MGAT4C: variants seen among roughly 807,000 people sequenced by gnomAD.
The protein encoded by MGAT4C is MGAT4 family member C, also known as alpha-1,3-mannosyl-glycoprotein 4-beta-N-acetylglucosaminyltransferase C.
A neutral mutation model predicts 40.1 loss-of-function variants in MGAT4C; 19 were observed. The ratio of observed to expected loss-of-function variants is 0.47; its 90% confidence interval spans 0.33 to 0.70. The LOEUF (loss-of-function observed/expected upper bound fraction) is 0.70. MGAT4C is among the 30% of genes least tolerant of loss of function. The pLI is 0.02. For synonymous variants in MGAT4C, 181 were observed against 187.1 expected (o/e 0.97, Z 0.27); for missense variants, 491 against 563.2 (o/e 0.87, Z 1.30).
At chr12:86,815,782 C>G (rs1347678860) in intron 1 of MGAT4C, among the ~76,000 whole-genome samples, 1 of 149,284 alleles carries the variant, frequency 6.7e-6, no homozygotes, top group African/African-American at 2.5e-5. Flanking sequence ...ATCATATGTT[C>G]TCACTGACAT....
chr12:85,973,101 G>A lies in MGAT4C; in HGVS notation c.*6188C>T, dbSNP rs1449596081. ...TTTCTAATAGAGTTAGAGCTTTGTT[G>A]ATTGAGATATGTGGAACTGCCACAT... On this transcript the variant is annotated 3_prime_UTR_variant, in exon 5 of 5. Coordinates refer to ENST00000611864, the MANE Select transcript of MGAT4C (RefSeq NM_001351288.2). The A allele has an allele frequency of 2.7e-5, 4 of 147,594 alleles. No individual in the cohort carries two copies. Among genetic ancestry groups the A allele is most frequent in the Non-Finnish European group, 6.1e-5 (4 of 65,278 alleles). 9.1% of individuals were successfully genotyped at this position (147,594 alleles called of 1,614,324 possible). A position where few individuals can be genotyped will look rare whatever the true frequency, so the allele number is the denominator to read the frequency against.
At chr12:86,399,136 A>G (rs1461384345) in intron 3 of MGAT4C, among the ~76,000 whole-genome samples, 2 of 150,468 alleles carry the variant, frequency 1.3e-5, no homozygotes, top group East Asian at 4.0e-4. Flanking sequence ...GTGCCCGGCT[A>G]ATTTTTTGTA....
chr12:86,058,564 A>T (rs1893625750), intron 1 of MGAT4C, among the ~76,000 whole-genome samples: 1 of 152,158 alleles, frequency 6.6e-6, no homozygotes, highest in Admixed American at 6.6e-5. Context: ...TGAAGCAAGT[A>T]TAACAATTTG....
intron 1 of MGAT4C, among the ~76,000 whole-genome samples, chr12:86,154,279 G>A (rs1450460738): frequency 1.2e-4 from 18 of 152,110 alleles, no homozygotes; most frequent in Non-Finnish European, 2.4e-4. Context: ...AGGTAAGGGG[G>A]AATTGGCCAG....
rs112691663 is a variant in MGAT4C, at chr12:86,405,815, T to C, written c.-120+29342A>G. ...CCAGAAATTAATTTACACAGATATA[T>C]CCAGTTGATTTTTAATAGAGTTGCA... On this transcript the variant is annotated intron_variant, in intron 3 of 7. Coordinates refer to the MGAT4C transcript ENST00000548651. Among the ~76,000 whole-genome samples, 744 of 150,614 alleles carry C rather than the reference T, an allele frequency of 4.9e-3. 3 individuals are homozygous for C. Among genetic ancestry groups the C allele is most frequent in the African/African-American group, 0.017 (715 of 41,176 alleles).
At chr12:86,768,600 C>T (rs1441441659) in intron 1 of MGAT4C, among the ~76,000 whole-genome samples, 2 of 151,578 alleles carry the variant, frequency 1.3e-5, no homozygotes, top group African/African-American at 4.8e-5. Context: ...AGGCATCACG[C>T]TACCTGACTT....
intron 2 of MGAT4C, among the ~76,000 whole-genome samples, chr12:86,466,242 T>C (rs1957681426): frequency 6.6e-6 from 1 of 151,814 alleles, no homozygotes; most frequent in Non-Finnish European, 1.5e-5. Flanking sequence ...CAAATGTGGA[T>C]TTTTATAGCA....
At chr12:86,050,338 A>T (rs927103356) in intron 1 of MGAT4C, among the ~76,000 whole-genome samples, 3 of 152,094 alleles carry the variant, frequency 2.0e-5, no homozygotes, top group African/African-American at 7.2e-5. Flanking sequence ...CTGTGAAGGT[A>T]TAAAACAATA....
intron 2 of MGAT4C, among the ~76,000 whole-genome samples, chr12:86,475,118 C>T (rs1957813204): frequency 6.6e-6 from 1 of 152,080 alleles, no homozygotes; most frequent in East Asian, 1.9e-4. Flanking sequence ...TTCAGCTCCC[C>T]AATACTCCTA....
At chr12:86,258,306 T>C (rs985534848), upstream of MGAT4C, among the ~76,000 whole-genome samples, 1 of 149,208 alleles carries the variant, frequency 6.7e-6, no homozygotes, top group Non-Finnish European at 1.5e-5. Context: ...TATCTATCTA[T>C]CTATCTATCT....
At chr12:86,227,776 T>C (rs1001195186) in intron 1 of MGAT4C, among the ~76,000 whole-genome samples, 2 of 151,886 alleles carry the variant, frequency 1.3e-5, no homozygotes, top group East Asian at 1.9e-4. Flanking sequence ...TATCCTGATG[T>C]AGAAACATCA....
upstream of MGAT4C, among the ~76,000 whole-genome samples, chr12:86,259,080 T>C (rs1952601710): frequency 6.6e-6 from 1 of 152,008 alleles, no homozygotes; most frequent in African/African-American, 2.4e-5. Flanking sequence ...TACTCCAAAG[T>C]ATATTTTATA....
At chr12:86,496,139 T>C (rs1958230346) in intron 2 of MGAT4C, among the ~76,000 whole-genome samples, 2 of 151,930 alleles carry the variant, frequency 1.3e-5, no homozygotes, top group African/African-American at 2.4e-5. Context: ...ACCTAGATAA[T>C]TGTTCCCTCC....
rs76182150 is a variant in MGAT4C at position 86,147,102 on chromosome 12, G to T, written c.-56-97379C>A. ...ATGTGTGTGTGTGTCTGGTGTGTGT[G>T]TTTATGATTTTTATTTATTTGTTTT... On this transcript the variant is annotated intron_variant, in intron 1 of 4. Transcript: ENST00000611864. Among the ~76,000 whole-genome samples the T allele has an allele frequency of 1.7e-3, 255 of 152,178 alleles. 9 individuals carry two copies. The East Asian group carries it at 0.041, about 24-fold the overall frequency.
intron 3 of MGAT4C, among the ~76,000 whole-genome samples, chr12:86,354,841 T>A (rs1241817024): frequency 2.0e-5 from 3 of 152,110 alleles, no homozygotes; most frequent in Non-Finnish European, 4.4e-5. Flanking sequence ...ACCTTCACGG[T>A]GAGTGTTACA....
intron 2 of MGAT4C, among the ~76,000 whole-genome samples, chr12:85,998,402 G>A (rs539629547): frequency 1.5e-4 from 23 of 152,256 alleles, no homozygotes; most frequent in Admixed American, 1.0e-3. Flanking sequence ...GCAAATTTCT[G>A]CAGCTGGCTT....
intron 2 of MGAT4C, among the ~76,000 whole-genome samples, chr12:86,025,442 G>A (rs1419246440): frequency 6.6e-6 from 1 of 151,610 alleles, no homozygotes; most frequent in Non-Finnish European, 1.5e-5. Context: ...TTCCCTAGCA[G>A]TCTCATACTA....
chr12:86,534,057 C>G (rs1565831636), intron 2 of MGAT4C, among the ~76,000 whole-genome samples: 1 of 152,038 alleles, frequency 6.6e-6, no homozygotes, highest in Non-Finnish European at 1.5e-5. Flanking sequence ...AATGGCCTCA[C>G]AAAGCTGTCA....
chr12:86,238,720 A>C (rs1951653553), intron 1 of MGAT4C, among the ~76,000 whole-genome samples: 1 of 152,036 alleles, frequency 6.6e-6, no homozygotes. Context: ...GAGAATGAAA[A>C]AGTTACTGGA....
Sources: gnomAD v4.1 joint callset for allele counts (sites outside exome capture counted in the v4.1 genomes callset) on GRCh38, gnomAD v4.1.1 for gene constraint, MANE v1.5 for transcripts, NCBI Gene and HGNC (gene_info 2026-07-23, HGNC 2026-07-21) for gene names.